The following ACTR3C variants were observed in gnomAD, a reference collection of about 807,000 sequenced individuals.
The protein encoded by ACTR3C is actin related protein 3C, also known as actin-related protein 3C.
ACTR3C carries 18 observed loss-of-function variants against 26.3 expected under a neutral mutation model. The ratio of observed to expected loss-of-function variants is 0.68; its 90% CI spans 0.47 to 1.01. The LOEUF (loss-of-function observed/expected upper bound fraction) is 1.01. Ranked by LOEUF, ACTR3C falls within the 50% of genes least tolerant of loss-of-function variation. ACTR3C has a pLI of 0.00. For synonymous variants in ACTR3C, 55 were observed against 94.5 expected (o/e 0.58, Z 2.42); for missense variants, 184 against 250.7 (o/e 0.73, Z 1.80).
chr7:149,966,176 T>A, the ACTR3C span, among the ~76,000 whole-genome samples: 4 of 152,200 alleles, frequency 2.6e-5, no homozygotes, highest in Non-Finnish European at 5.9e-5. Flanking sequence ...GAAGTCTGAC[T>A]CTCAGGTTGG....
the ACTR3C span, chr7:150,040,502 T>C: frequency 6.8e-6 from 1 of 146,138 alleles, no homozygotes; most frequent in African/African-American, 2.6e-5. Context: ...AATACTGCAA[T>C]GTTTGGGATC....
the ACTR3C span, among the ~76,000 whole-genome samples, chr7:150,184,151 A>G: frequency 6.6e-6 from 1 of 150,742 alleles, no homozygotes; most frequent in South Asian, 2.1e-4. Context: ...GACATGTCTA[A>G]TATGCTCTGC....
the ACTR3C span, among the ~76,000 whole-genome samples, chr7:150,013,376 A>G: frequency 2.0e-5 from 3 of 152,266 alleles, no homozygotes; most frequent in South Asian, 6.2e-4. Context: ...CTCCATCTCA[A>G]TTCTAGCCCC....
At chr7:149,987,604 T>A in the ACTR3C span, among the ~76,000 whole-genome samples, 1 of 135,520 alleles carries the variant, frequency 7.4e-6, no homozygotes, top group South Asian at 2.7e-4. Flanking sequence ...AAAAGAAAAG[T>A]AACAGCATAC....
At chr7:150,290,334 A>ACTTGCCAC (rs1836139880) in intron 3 of ACTR3C, among the ~76,000 whole-genome samples, 1 of 152,216 alleles carries the variant, frequency 6.6e-6, no homozygotes, top group Non-Finnish European at 1.5e-5. Flanking sequence ...TGCCCACAGC[A>ACTTGCCAC]ATGATGGGCC....
chr7:150,284,021 A>G lies in ACTR3C; in HGVS notation c.564+732T>C, dbSNP rs1362381072. On this transcript the variant is annotated intron_variant, in intron 6 of 7. Transcript: ENST00000683684. ...TAAGAATTTTGAAAAAAATCATAAT[A>G]ATACATGAGCATATTCTATCTGACT... is the stretch of plus-strand genomic sequence containing the variant. Among the ~76,000 whole-genome samples the G allele has an allele frequency of 1.3e-5, 2 of 151,726 alleles. 1 individual carries two copies. Among genetic ancestry groups the G allele is most frequent in the African/African-American group, 4.9e-5 (2 of 41,012 alleles).
At chr7:149,922,778 A>G in the ACTR3C span, among the ~76,000 whole-genome samples, 5 of 151,534 alleles carry the variant, frequency 3.3e-5, no homozygotes, top group Non-Finnish European at 7.4e-5. Flanking sequence ...TGAAAAGGAT[A>G]TAAGACATAT....
the ACTR3C span, among the ~76,000 whole-genome samples, chr7:149,950,640 GGA>G: frequency 2.1e-5 from 3 of 145,866 alleles, no homozygotes; most frequent in African/African-American, 5.3e-5. Flanking sequence ...TGGCAGTTTT[GGA>G]GAGGGTGCTT....
the ACTR3C span, among the ~76,000 whole-genome samples, chr7:150,216,620 T>A: frequency 6.6e-6 from 1 of 151,656 alleles, no homozygotes; most frequent in Non-Finnish European, 1.5e-5. Flanking sequence ...ACTCTAACAA[T>A]TATCCCATCC....
the ACTR3C span, among the ~76,000 whole-genome samples, chr7:150,056,587 C>T: frequency 2.0e-5 from 3 of 152,148 alleles, no homozygotes; most frequent in Non-Finnish European, 2.9e-5. Flanking sequence ...CTAAATAAAT[C>T]CACGAGTCAC....
At chr7:150,039,380 TC>T in the ACTR3C span, among the ~76,000 whole-genome samples, 1 of 86,164 alleles carries the variant, frequency 1.2e-5, no homozygotes, top group Non-Finnish European at 2.7e-5. Context: ...GCGATGGGGG[TC>T]CTAAGAACCC....
chr7:150,150,298 A>G, the ACTR3C span, among the ~76,000 whole-genome samples: 1 of 152,198 alleles, frequency 6.6e-6, no homozygotes, highest in African/African-American at 2.4e-5. Flanking sequence ...ATCCTGAATT[A>G]TTTAGCATCG....
At chr7:150,301,280 T>C (rs1284541444) in intron 1 of ACTR3C, among the ~76,000 whole-genome samples, 1 of 152,178 alleles carries the variant, frequency 6.6e-6, no homozygotes, top group Non-Finnish European at 1.5e-5. Flanking sequence ...TAAGAAGGTA[T>C]GAAGATTTCT....
chr7:150,228,441 A>G, the ACTR3C span, among the ~76,000 whole-genome samples: 1 of 152,246 alleles, frequency 6.6e-6, no homozygotes, highest in South Asian at 2.1e-4. Context: ...GACTTTCCCA[A>G]TATAATTACA....
chr7:150,183,040 C>T, the ACTR3C span, among the ~76,000 whole-genome samples: 2 of 150,788 alleles, frequency 1.3e-5, no homozygotes, highest in Non-Finnish European at 2.9e-5. Flanking sequence ...GGATAGATTA[C>T]ATGAGGGCAA....
the ACTR3C span, among the ~76,000 whole-genome samples, chr7:150,035,666 G>A: frequency 2.9e-4 from 40 of 136,038 alleles, 6 homozygotes; most frequent in African/African-American, 1.0e-3. Context: ...CAGTCCTCCA[G>A]GTGGGTCCTA....
At chr7:150,314,984 T>C (rs1035736801) in intron 1 of ACTR3C, among the ~76,000 whole-genome samples, 1 of 147,464 alleles carries the variant, frequency 6.8e-6, no homozygotes, top group African/African-American at 2.5e-5. Flanking sequence ...AGTATTATTT[T>C]TAATAATATT....
chr7:150,309,905 G>A (rs1475467124), intron 1 of ACTR3C, among the ~76,000 whole-genome samples: 1 of 152,114 alleles, frequency 6.6e-6, no homozygotes, highest in Non-Finnish European at 1.5e-5. Context: ...TGGAGGGTAA[G>A]TCCGTCCCCT....
the ACTR3C span, among the ~76,000 whole-genome samples, chr7:150,173,525 C>T: frequency 0.12 from 16,828 of 146,012 alleles, 809 homozygotes; most frequent in African/African-American, 0.25. Context: ...TTCTTCTAGG[C>T]CTCTGGACCT....
Sources: gnomAD v4.1 joint callset for allele counts (sites outside exome capture counted in the v4.1 genomes callset) on GRCh38, gnomAD v4.1.1 for gene constraint, MANE v1.5 for transcripts, NCBI Gene and HGNC (gene_info 2026-07-23, HGNC 2026-07-21) for gene names.